The following MAF variants were observed in gnomAD, a reference collection of about 807,000 sequenced individuals.
The protein encoded by MAF is MAF bZIP transcription factor, also known as transcription factor Maf.
A neutral mutation model predicts 22.0 loss-of-function variants in MAF; 10 were observed. The ratio of observed to expected loss-of-function variants is 0.45; its 90% confidence interval spans 0.28 to 0.77. The LOEUF (loss-of-function observed/expected upper bound fraction) is 0.77, where lower values mean the gene tolerates loss of function less well. Among genes scored for constraint, MAF ranks in the 30% least tolerant of loss-of-function variants. The pLI is 0.12. For missense variants in MAF, 544 were observed against 548.4 expected (o/e 0.99, Z 0.08); for synonymous variants, 337 against 255.8 (o/e 1.32, Z -3.03).
At chr16:79,534,506 C>T in the MAF span, among the ~76,000 whole-genome samples, 4 of 150,056 alleles carry the variant, frequency 2.7e-5, no homozygotes, top group East Asian at 8.0e-4. Flanking sequence ...TTTTATCCAC[C>T]AAACCTGTGA....
chr16:79,512,894 C>G, the MAF span, among the ~76,000 whole-genome samples: 5 of 152,180 alleles, frequency 3.3e-5, no homozygotes, highest in Non-Finnish European at 5.9e-5. Context: ...TGCTGTATAC[C>G]TGTATAGGCA....
At chr16:79,422,164 G>C in the MAF span, among the ~76,000 whole-genome samples, 2 of 152,134 alleles carry the variant, frequency 1.3e-5, no homozygotes, top group Non-Finnish European at 2.9e-5. Flanking sequence ...GAAAAATGAA[G>C]CCTGAGCTGA....
At chr16:79,223,375 A>T in the MAF span, among the ~76,000 whole-genome samples, 1 of 152,202 alleles carries the variant, frequency 6.6e-6, no homozygotes, top group African/African-American at 2.4e-5. Flanking sequence ...GTGTAGAGGG[A>T]AATTTATAGC....
the MAF span, among the ~76,000 whole-genome samples, chr16:79,208,726 C>G: frequency 2.2e-4 from 34 of 151,934 alleles, no homozygotes; most frequent in East Asian, 2.9e-3. Context: ...CAGTCTTATT[C>G]TGATGATATG....
At chr16:79,302,357 A>C in the MAF span, among the ~76,000 whole-genome samples, 1 of 152,200 alleles carries the variant, frequency 6.6e-6, no homozygotes, top group Non-Finnish European at 1.5e-5. Context: ...GAAAGCTTTT[A>C]ATTAGCCCAC....
chr16:79,355,023 A>G, the MAF span, among the ~76,000 whole-genome samples: 3 of 150,222 alleles, frequency 2.0e-5, no homozygotes, highest in African/African-American at 7.6e-5. Flanking sequence ...AACATTTGAA[A>G]ACCCAAGTTG....
chr16:79,477,724 T>G, the MAF span, among the ~76,000 whole-genome samples: 1 of 152,170 alleles, frequency 6.6e-6, no homozygotes, highest in Admixed American at 6.5e-5. Context: ...AGTGACATTT[T>G]TTTTTTAAAT....
At chr16:79,375,489 G>T in the MAF span, among the ~76,000 whole-genome samples, 1 of 152,164 alleles carries the variant, frequency 6.6e-6, no homozygotes, top group Non-Finnish European at 1.5e-5. Flanking sequence ...AGATGATGAA[G>T]ATAATGATGG....
At chr16:79,238,700 T>A in the MAF span, among the ~76,000 whole-genome samples, 2 of 152,040 alleles carry the variant, frequency 1.3e-5, no homozygotes, top group African/African-American at 4.8e-5. Context: ...ATATATCCCA[T>A]GCATACAGTA....
chr16:79,354,570 A>G, the MAF span, among the ~76,000 whole-genome samples: 1 of 152,170 alleles, frequency 6.6e-6, no homozygotes, highest in Non-Finnish European at 1.5e-5. Flanking sequence ...AGAAGGTGTA[A>G]CTGGCCAGAT....
the MAF span, among the ~76,000 whole-genome samples, chr16:79,508,120 A>C: frequency 1.1e-4 from 16 of 152,212 alleles, no homozygotes; most frequent in South Asian, 2.5e-3. Flanking sequence ...CATGGGAGCA[A>C]CCCTTGGAAG....
At chr16:79,544,535 G>C in the MAF span, among the ~76,000 whole-genome samples, 3 of 152,084 alleles carry the variant, frequency 2.0e-5, no homozygotes, top group Middle Eastern at 3.2e-3. Context: ...AGCACTTTGA[G>C]AGACCGAGTT....
chr16:79,568,703 G>C, the MAF span, among the ~76,000 whole-genome samples: 6 of 152,250 alleles, frequency 3.9e-5, no homozygotes, highest in Non-Finnish European at 8.8e-5. Context: ...CTGAAAACTA[G>C]AAATTTGCTG....
chr16:79,530,094 G>C, the MAF span, among the ~76,000 whole-genome samples: 1 of 152,194 alleles, frequency 6.6e-6, no homozygotes, highest in Admixed American at 6.5e-5. Flanking sequence ...TTAGCCCCAA[G>C]TGAGGGCCAA....
At chr16:79,242,777 A>C in the MAF span, among the ~76,000 whole-genome samples, 2 of 152,096 alleles carry the variant, frequency 1.3e-5, no homozygotes, top group Admixed American at 6.6e-5. Context: ...CATTGCACTT[A>C]TTCTAAAATT....
At chr16:79,478,250 G>A in the MAF span, among the ~76,000 whole-genome samples, 1 of 152,214 alleles carries the variant, frequency 6.6e-6, no homozygotes, top group Non-Finnish European at 1.5e-5. Flanking sequence ...GAGGCCTTGT[G>A]ATTTGCTTTT....
At chr16:79,322,093 G>A in the MAF span, among the ~76,000 whole-genome samples, 1 of 152,118 alleles carries the variant, frequency 6.6e-6, no homozygotes, top group East Asian at 1.9e-4. Flanking sequence ...TTAGCCGGGT[G>A]TGGTAGCACA....
the MAF span, among the ~76,000 whole-genome samples, chr16:79,387,488 G>A: frequency 6.6e-6 from 1 of 152,126 alleles, no homozygotes; most frequent in South Asian, 2.1e-4. Flanking sequence ...TGTCATCTTG[G>A]TATTACTCTA....
At chr16:79,446,054 G>GAGAGAA in the MAF span, among the ~76,000 whole-genome samples, 9 of 152,024 alleles carry the variant, frequency 5.9e-5, no homozygotes, top group African/African-American at 2.2e-4. Flanking sequence ...AGAAAGAAAA[G>GAGAGAA]AGAGACAGAG....
Sources: allele counts gnomAD v4.1 joint callset (sites outside exome capture counted in the v4.1 genomes callset), GRCh38; gene constraint gnomAD v4.1.1; transcripts MANE v1.5; gene names NCBI Gene and HGNC (gene_info 2026-07-23, HGNC 2026-07-21).